OR2L13: variants seen among roughly 807,000 people sequenced by gnomAD.
The protein encoded by OR2L13 is olfactory receptor 2L13.
A neutral mutation model predicts 15.3 loss-of-function variants in OR2L13; 14 were observed. The observed-to-expected ratio is 0.91, with a 90% confidence interval of 0.60 to 1.43. OR2L13 has a LOEUF of 1.43. Among genes scored for constraint, OR2L13 ranks in the 40% most tolerant of loss-of-function variants. OR2L13 has a pLI of 0.00. For missense variants in OR2L13, 367 were observed against 387.9 expected (o/e 0.95, Z 0.45); for synonymous variants, 152 against 142.9 (o/e 1.06, Z -0.45).
the OR2L13 span, chr1:248,060,543 G>C: frequency 1.5e-6 from 1 of 674,022 alleles, no homozygotes; most frequent in South Asian, 1.9e-5. Flanking sequence ...GAAAATAATA[G>C]TGTATATAGG....
At chr1:247,957,631 G>T in the OR2L13 span, among the ~76,000 whole-genome samples, 7 of 152,144 alleles carry the variant, frequency 4.6e-5, no homozygotes, top group Non-Finnish European at 7.3e-5. Flanking sequence ...CCTGTTATTG[G>T]TCTATTCAGA....
chr1:247,998,883 A>G, the OR2L13 span, among the ~76,000 whole-genome samples: 1 of 151,782 alleles, frequency 6.6e-6, no homozygotes, highest in Non-Finnish European at 1.5e-5. Context: ...TGCCTTAACA[A>G]CCACGCAGAG....
At chr1:247,994,383 C>T in the OR2L13 span, among the ~76,000 whole-genome samples, 7 of 152,146 alleles carry the variant, frequency 4.6e-5, no homozygotes, top group Non-Finnish European at 8.8e-5. Context: ...GGCGACAGAG[C>T]GAGACTCCAT....
chr1:248,010,763 G>GTTTTTTTTTTTTTTTTTTTTTTTT, the OR2L13 span, among the ~76,000 whole-genome samples: 1 of 44,462 alleles, frequency 2.2e-5, no homozygotes, highest in Non-Finnish European at 3.7e-5. Context: ...CTTTGTTGTT[G>GTTTTTTTTTTTTTTTTTTTTTTTT]TTTTTTTTTT....
the OR2L13 span, among the ~76,000 whole-genome samples, chr1:248,031,863 G>A: frequency 6.6e-6 from 1 of 151,850 alleles, no homozygotes; most frequent in Non-Finnish European, 1.5e-5. Context: ...GTTATAATAT[G>A]GCATTACATA....
the OR2L13 span, among the ~76,000 whole-genome samples, chr1:247,976,862 C>T: frequency 2.0e-5 from 3 of 152,160 alleles, no homozygotes; most frequent in Admixed American, 1.3e-4. Flanking sequence ...TCCTTCATTA[C>T]ATTAAGGATA....
the OR2L13 span, chr1:247,965,404 A>T: frequency 6.2e-7 from 1 of 1,611,094 alleles, no homozygotes; most frequent in Non-Finnish European, 8.5e-7. Flanking sequence ...AAGTTTTGGG[A>T]CAGATTTTCT....
chr1:248,061,777 A>G, the OR2L13 span: 1 of 600,428 alleles, frequency 1.7e-6, no homozygotes, highest in South Asian at 3.3e-5. Flanking sequence ...TTTTACATAT[A>G]TATGTATATA....
the OR2L13 span, among the ~76,000 whole-genome samples, chr1:247,945,996 A>ATT: frequency 6.6e-6 from 1 of 152,090 alleles, no homozygotes; most frequent in African/African-American, 2.4e-5. Context: ...TGTAGGATGC[A>ATT]TTTCCATTTA....
upstream of OR2L13, among the ~76,000 whole-genome samples, chr1:248,094,983 T>A: frequency 6.6e-6 from 1 of 152,224 alleles, no homozygotes; most frequent in East Asian, 1.9e-4. Context: ...GGGTAGCAGC[T>A]GAATGCAGCA....
At chr1:247,988,029 G>A in the OR2L13 span, among the ~76,000 whole-genome samples, 1 of 151,846 alleles carries the variant, frequency 6.6e-6, no homozygotes, top group Admixed American at 6.6e-5. Context: ...TTTTAGAAGT[G>A]TTTTCAAGGA....
the OR2L13 span, chr1:248,003,071 G>A: frequency 1.2e-6 from 1 of 857,178 alleles, no homozygotes; most frequent in Admixed American, 1.9e-5. Flanking sequence ...TGCGGATAAG[G>A]ATGAATTTCT....
At chr1:248,042,391 A>T in the OR2L13 span, 1 of 151,398 alleles carries the variant, frequency 6.6e-6, no homozygotes, top group Non-Finnish European at 1.5e-5. Context: ...GCATTGGGAG[A>T]TATACCTAAT....
At chr1:248,064,057 T>C in the OR2L13 span, among the ~76,000 whole-genome samples, 1 of 152,160 alleles carries the variant, frequency 6.6e-6, no homozygotes, top group Non-Finnish European at 1.5e-5. Context: ...AAGCCAGTCC[T>C]GAGAAGGATG....
the OR2L13 span, among the ~76,000 whole-genome samples, chr1:248,006,524 C>T: frequency 9.9e-5 from 15 of 152,032 alleles, no homozygotes; most frequent in African/African-American, 3.4e-4. Flanking sequence ...AAACCAATCC[C>T]GAGAAGGATG....
chr1:248,023,263 C>G, the OR2L13 span: 1 of 156,744 alleles, frequency 6.4e-6, no homozygotes, highest in African/African-American at 2.4e-5. Context: ...ATTACTGAAT[C>G]TAATTGAATA....
Position 248,100,178 on chromosome 1 carries a change from C to T in OR2L13, c.803C>T (p.Ala268Val). 5.0e-6 allele frequency: 8 copies of T among 1,614,000 alleles called. No homozygotes were observed. In the East Asian group the frequency reaches 8.9e-5, roughly 18 times the overall value. Residue 268 changes from alanine to valine, a missense_variant, in exon 3 of 3, where the codon GCT becomes GTT. By Grantham distance (64) the Ala-to-Val change is moderately conservative (BLOSUM62 0). Transcript: ENST00000641714. The stretch of plus-strand genomic sequence containing the variant: ...CGGCCCAGGAATCTCCGCTCACCAG[C>T]TGAAGACAAGATCCTGGCAGTCTTC...
At chr1:248,068,303 C>T in the OR2L13 span, among the ~76,000 whole-genome samples, 1 of 152,170 alleles carries the variant, frequency 6.6e-6, no homozygotes, top group South Asian at 2.1e-4. Context: ...GACAAAATTT[C>T]CAGAGGAATG....
At chr1:248,035,122 GACATTTTTGTCTTTC>G in the OR2L13 span, among the ~76,000 whole-genome samples, 1 of 151,128 alleles carries the variant, frequency 6.6e-6, no homozygotes, top group East Asian at 1.9e-4. Context: ...CGTGAAAGTG[GACATTTTTGTCTTTC>G]TCCAAATCTT....
Sources: gnomAD v4.1 joint callset for allele counts (sites outside exome capture counted in the v4.1 genomes callset) on GRCh38, gnomAD v4.1.1 for gene constraint, MANE v1.5 for transcripts, NCBI Gene and HGNC (gene_info 2026-07-23, HGNC 2026-07-21) for gene names.